The following LMO1 variants were observed in gnomAD, a reference collection of about 807,000 sequenced individuals.
LMO1 encodes LIM domain only 1.
LMO1 carries 10 observed loss-of-function variants against 18.0 expected under a neutral mutation model. That is an observed-to-expected ratio of 0.55 (90% CI 0.34 to 0.94). LMO1 has a LOEUF of 0.94. Ranked by LOEUF, LMO1 falls within the 40% of genes least tolerant of loss-of-function variation. The pLI, the probability that LMO1 is intolerant of heterozygous loss-of-function variation, is 0.02. For synonymous variants in LMO1, 77 were observed against 77.9 expected (o/e 0.99, Z 0.06); for missense variants, 183 against 205.7 (o/e 0.89, Z 0.68).
chr11:8,235,494 T>C (rs204922), intron 1 of LMO1, among the ~76,000 whole-genome samples: 147,032 of 152,328 alleles, frequency 0.97, 71,012 homozygotes, highest in East Asian at 1. Context: ...AAAATTATCA[T>C]TGACATAACA....
chr11:8,256,661 G>T (rs1362188876), intron 1 of LMO1, among the ~76,000 whole-genome samples: 2 of 151,018 alleles, frequency 1.3e-5, no homozygotes, highest in African/African-American at 4.8e-5. Flanking sequence ...GAACAAGCTT[G>T]TTGCTAGGTT....
chr11:8,250,630 T>C (rs149444303), intron 1 of LMO1, among the ~76,000 whole-genome samples: 7 of 152,308 alleles, frequency 4.6e-5, no homozygotes, highest in African/African-American at 1.7e-4. Context: ...GCCTCACAGA[T>C]GGGAAACAGC....
At chr11:8,235,356 C>T (rs1275202439) in intron 1 of LMO1, among the ~76,000 whole-genome samples, 4 of 152,170 alleles carry the variant, frequency 2.6e-5, no homozygotes, top group African/African-American at 9.7e-5. Context: ...ATAATTTTTT[C>T]CCTAAATCAT....
chr11:8,263,943 A>G (rs1847233619), upstream of LMO1: 1 of 931,718 alleles, frequency 1.1e-6, no homozygotes, highest in Admixed American at 6.0e-5. Flanking sequence ...CTCCCGGGTT[A>G]ATGGGGAGTG....
chr11:8,268,375 G>A (rs1847282327), upstream of LMO1: 1 of 1,444,960 alleles, frequency 6.9e-7, no homozygotes, highest in Non-Finnish European at 9.1e-7. Context: ...CGCAGTCTCC[G>A]CCCCACGTCC....
chr11:8,246,764 G>C (rs978366168), intron 1 of LMO1, among the ~76,000 whole-genome samples: 2 of 151,876 alleles, frequency 1.3e-5, no homozygotes, highest in African/African-American at 2.4e-5. Context: ...GGAGAAACCA[G>C]TTCATAAAAT....
chr11:8,257,623 T>C (rs1002946122), intron 1 of LMO1, among the ~76,000 whole-genome samples: 1 of 152,232 alleles, frequency 6.6e-6, no homozygotes, highest in Non-Finnish European at 1.5e-5. Flanking sequence ...CAATTCCCCA[T>C]GGAACCCTAG....
At chr11:8,228,112 C>G (rs571347839) in intron 2 of LMO1, among the ~76,000 whole-genome samples, 1 of 152,242 alleles carries the variant, frequency 6.6e-6, no homozygotes, top group African/African-American at 2.4e-5. Context: ...TGCTGTAAAA[C>G]AGAACTGATG....
At chr11:8,265,783 G>A (rs1020742603), upstream of LMO1, among the ~76,000 whole-genome samples, 1 of 152,174 alleles carries the variant, frequency 6.6e-6, no homozygotes, top group African/African-American at 2.4e-5. Flanking sequence ...CTGGCAAGGG[G>A]CAACTTCTTG....
At chr11:8,230,191 G>T in intron 2 of LMO1, 100 bp downstream of exon 2, 1 of 1,015,922 alleles carries the variant, frequency 9.8e-7, no homozygotes, top group Non-Finnish European at 1.5e-6. Flanking sequence ...GACACACAGG[G>T]TACTGGGTCT....
chr11:8,233,389 C>T (rs1214910144), intron 1 of LMO1, among the ~76,000 whole-genome samples: 2 of 152,178 alleles, frequency 1.3e-5, no homozygotes, highest in Admixed American at 6.5e-5. Context: ...AGAGCATATC[C>T]CCCTGGTCTC....
At chr11:8,254,656 C>A (rs139396024) in intron 1 of LMO1, among the ~76,000 whole-genome samples, 2 of 150,780 alleles carry the variant, frequency 1.3e-5, no homozygotes, top group Non-Finnish European at 3.0e-5. Flanking sequence ...TGGAGCTGGG[C>A]TCCCATGGCA....
chr11:8,231,108 C>T (rs1351405770), intron 1 of LMO1, among the ~76,000 whole-genome samples: 1 of 152,128 alleles, frequency 6.6e-6, no homozygotes, highest in Non-Finnish European at 1.5e-5. Context: ...GCTGGCAGGG[C>T]CTGGCTGGGG....
rs1251913641 is a variant in LMO1 at position 8,251,105 on chromosome 11, T to C, written c.25+12233A>G. ...AGAAAGAGACCTCACTGGGAGTTCC[T>C]TTCTGCTGGCCTGGCCCTGCCACAC... On this transcript the variant is annotated intron_variant, in intron 1 of 3. Transcript: ENST00000335790. Among the ~76,000 whole-genome samples the C allele has an allele frequency of 1.3e-4, 20 of 152,172 alleles. 1 individual carries two copies. The highest frequency in any genetic ancestry group is 1.5e-5 in the Non-Finnish European group (1 of 68,028).
At chr11:8,246,966 C>T (rs1288084102) in intron 1 of LMO1, among the ~76,000 whole-genome samples, 1 of 152,170 alleles carries the variant, frequency 6.6e-6, no homozygotes, top group Non-Finnish European at 1.5e-5. Flanking sequence ...ACCCCCACAT[C>T]CAGAAATCTG....
At chr11:8,265,244 T>C (rs1419056390), upstream of LMO1, among the ~76,000 whole-genome samples, 2 of 152,216 alleles carry the variant, frequency 1.3e-5, no homozygotes, top group South Asian at 4.1e-4. Context: ...GTATCTATGG[T>C]TGCTGTGGGG....
At chr11:8,263,290 C>CG (rs1565190078) in intron 1 of LMO1, 48 bp downstream of exon 1, 4 of 1,569,420 alleles carry the variant, frequency 2.5e-6, no homozygotes, top group Middle Eastern at 1.7e-4. Context: ...CGCGCCGCGG[C>CG]AGGGGGCGAG....
intron 1 of LMO1, among the ~76,000 whole-genome samples, chr11:8,234,874 A>G (rs1369726719): frequency 6.6e-6 from 1 of 152,108 alleles, no homozygotes; most frequent in African/African-American, 2.4e-5. Flanking sequence ...CACTCTCCCA[A>G]AAAGGTCAGA....
chr11:8,240,141 A>G (rs2134548221), intron 1 of LMO1, among the ~76,000 whole-genome samples: 1 of 152,136 alleles, frequency 6.6e-6, no homozygotes, highest in African/African-American at 2.4e-5. Flanking sequence ...GACCCTACCA[A>G]AAGAAGACGG....
Sources: allele counts gnomAD v4.1 joint callset (sites outside exome capture counted in the v4.1 genomes callset), GRCh38; gene constraint gnomAD v4.1.1; transcripts MANE v1.5; gene names NCBI Gene and HGNC (gene_info 2026-07-23, HGNC 2026-07-21).